KDM7A: variants seen among roughly 807,000 people sequenced by gnomAD.
The protein encoded by KDM7A is lysine-specific demethylase 7A.
Under a neutral mutation model 114.8 loss-of-function variants are expected in KDM7A, and 28 were observed. The ratio of observed to expected loss-of-function variants is 0.24; its 90% CI spans 0.18 to 0.33. KDM7A has a LOEUF of 0.33. Ranked by LOEUF, KDM7A falls within the 10% of genes least tolerant of loss-of-function variation. The pLI is 1.00. For missense variants in KDM7A, 942 were observed against 1,142.5 expected, an observed-to-expected ratio of 0.82 and a Z score of 2.53; for synonymous variants, 423 against 397.8, an observed-to-expected ratio of 1.06 and a Z score of -0.75.
chr7:140,112,915 A>G (rs1216429999), intron 10 of KDM7A, among the ~76,000 whole-genome samples: 2 of 152,246 alleles, frequency 1.3e-5, no homozygotes, highest in East Asian at 3.8e-4. Context: ...TATTTTCATG[A>G]AAATGGAAAG....
chr7:140,100,669 T>TATATATACAC (rs1562945857), intron 12 of KDM7A, among the ~76,000 whole-genome samples: 5 of 44,424 alleles, frequency 1.1e-4, no homozygotes, highest in Non-Finnish European at 1.8e-4. Context: ...GTTATATATA[T>TATATATACAC]ATATATATAT....
intron 17 of KDM7A, 124 bp from the exon 18 acceptor site, chr7:140,094,262 T>A (rs544378476): frequency 2.1e-5 from 15 of 702,108 alleles, no homozygotes; most frequent in South Asian, 2.1e-4. Context: ...CCCAACACTT[T>A]GGGAGGCCAA....
rs1276191933 is a variant in KDM7A, at chr7:140,090,751, T to C, written c.*343A>G. ...AAAAGCTGTTAACTTTAAAAAAAAA[T>C]CTGTTAAATAAATTATTGATAATTC... On this transcript the variant is annotated 3_prime_UTR_variant, in exon 20 of 20. Transcript: ENST00000397560. The C allele has an allele frequency of 8.9e-6, 2 of 225,930 alleles. No individual in the cohort carries two copies. The highest frequency in any genetic ancestry group is 2.3e-5 in the African/African-American group (1 of 44,262). The allele number at this position is 225,930 out of a possible 1,614,324, so 14.0% of individuals were successfully genotyped here.
intron 1 of KDM7A, among the ~76,000 whole-genome samples, chr7:140,174,646 G>T (rs1300511805): frequency 3.3e-5 from 5 of 152,234 alleles, no homozygotes; most frequent in Admixed American, 2.0e-4. Context: ...CTGTCGCCAG[G>T]CTGGAGTGCA....
chr7:140,174,839 T>G (rs1312487475), intron 1 of KDM7A, among the ~76,000 whole-genome samples: 1 of 152,134 alleles, frequency 6.6e-6, no homozygotes, highest in Non-Finnish European at 1.5e-5. Context: ...ATGGTCTCGA[T>G]CTCTTTACCT....
intron 1 of KDM7A, among the ~76,000 whole-genome samples, chr7:140,140,470 T>C (rs1431658443): frequency 1.3e-5 from 2 of 152,098 alleles, no homozygotes; most frequent in African/African-American, 4.8e-5. Flanking sequence ...ATGAAACCAG[T>C]CACTCTGAGA....
At chr7:140,127,096 G>T (rs1226279068) in intron 5 of KDM7A, among the ~76,000 whole-genome samples, 1 of 152,166 alleles carries the variant, frequency 6.6e-6, no homozygotes, top group Non-Finnish European at 1.5e-5. Context: ...GAGTAGCTGG[G>T]ATTACAGGCA....
chr7:140,156,218 A>G (rs1160607918), intron 1 of KDM7A, among the ~76,000 whole-genome samples: 1 of 152,240 alleles, frequency 6.6e-6, no homozygotes, highest in Non-Finnish European at 1.5e-5. Context: ...CCAGAGAACT[A>G]TTCAATAAAG....
At chr7:140,128,876 A>G (rs1818747208) in intron 4 of KDM7A, among the ~76,000 whole-genome samples, 1 of 152,246 alleles carries the variant, frequency 6.6e-6, no homozygotes. Context: ...TAATGAAATG[A>G]CTGAAAATGT....
chr7:140,104,902 T>C (rs1818301923), intron 11 of KDM7A, among the ~76,000 whole-genome samples: 1 of 151,924 alleles, frequency 6.6e-6, no homozygotes, highest in African/African-American at 2.4e-5. Context: ...CATTTTCATA[T>C]TGATTCTTCC....
intron 1 of KDM7A, among the ~76,000 whole-genome samples, chr7:140,157,971 AAAATAAAT>A (rs34647950): frequency 3.5e-5 from 5 of 143,776 alleles, no homozygotes; most frequent in East Asian, 4.0e-4. Flanking sequence ...TCCGTCTCAA[AAAATAAAT>A]AAATAAATAA....
intron 4 of KDM7A, among the ~76,000 whole-genome samples, chr7:140,128,982 T>C (rs1818748309): frequency 6.6e-6 from 1 of 152,220 alleles, no homozygotes; most frequent in East Asian, 1.9e-4. Context: ...AGTCCAGACA[T>C]CATTAAATGG....
chr7:140,115,810 AAAT>A (rs1303054239), intron 9 of KDM7A, among the ~76,000 whole-genome samples: 1 of 128,324 alleles, frequency 7.8e-6, no homozygotes, highest in African/African-American at 3.1e-5. Context: ...AATTTAAAAA[AAAT>A]AAATAAATAA....
intron 1 of KDM7A, among the ~76,000 whole-genome samples, chr7:140,164,986 T>G (rs1794558444): frequency 6.6e-6 from 1 of 152,204 alleles, no homozygotes; most frequent in Non-Finnish European, 1.5e-5. Context: ...GGTGACTGAT[T>G]TCCACCAACA....
intron 2 of KDM7A, among the ~76,000 whole-genome samples, chr7:140,136,326 C>T (rs1469682321): frequency 3.3e-5 from 5 of 152,160 alleles, no homozygotes; most frequent in African/African-American, 1.2e-4. Flanking sequence ...ACTATCATTT[C>T]CTTTTAAATG....
chr7:140,162,597 G>GTATAA (rs59312999), intron 1 of KDM7A, among the ~76,000 whole-genome samples: 95,590 of 151,602 alleles, frequency 0.63, 31,150 homozygotes, highest in African/African-American at 0.81. Context: ...TCTTAAATTT[G>GTATAA]TATATTTAAG....
intron 3 of KDM7A, among the ~76,000 whole-genome samples, chr7:140,131,975 G>A (rs931878083): frequency 6.6e-6 from 1 of 152,054 alleles, no homozygotes; most frequent in African/African-American, 2.4e-5. Flanking sequence ...AGTAAAAAAG[G>A]CAAATTGTAC....
intron 12 of KDM7A, among the ~76,000 whole-genome samples, chr7:140,101,288 G>A (rs1019043994): frequency 1.3e-5 from 2 of 152,124 alleles, no homozygotes. Context: ...CAGTAGGCCA[G>A]CACTTCACGA....
chr7:140,123,709 T>G (rs929185231), intron 7 of KDM7A, among the ~76,000 whole-genome samples: 21 of 152,284 alleles, frequency 1.4e-4, no homozygotes, highest in African/African-American at 3.6e-4. Context: ...ATGCTCAACC[T>G]GTATATCCCA....
Sources: allele counts gnomAD v4.1 joint callset (sites outside exome capture counted in the v4.1 genomes callset), GRCh38; gene constraint gnomAD v4.1.1; transcripts MANE v1.5; gene names NCBI Gene and HGNC (gene_info 2026-07-23, HGNC 2026-07-21).